CDH12: variants seen among roughly 807,000 people sequenced by gnomAD.
CDH12 encodes the protein cadherin-12.
In CDH12, 41 loss-of-function variants were observed where a neutral mutation model predicts 74.1. The observed-to-expected ratio is 0.55, with a 90% CI of 0.43 to 0.72. The LOEUF (loss-of-function observed/expected upper bound fraction) is 0.72, where lower values mean the gene tolerates loss of function less well. Ranked by LOEUF, CDH12 falls within the 30% of genes least tolerant of loss-of-function variation. The pLI is 0.00. For synonymous variants in CDH12, 399 were observed against 355.0 expected (o/e 1.12, Z -1.39); for missense variants, 945 against 977.2 (o/e 0.97, Z 0.44).
chr5:22,084,796 C>T (rs1174363378), intron 4 of CDH12, among the ~76,000 whole-genome samples: 4 of 152,256 alleles, frequency 2.6e-5, no homozygotes, highest in East Asian at 1.9e-4. Flanking sequence ...GATTGAAGGA[C>T]TCCAGTTCTT....
intron 6 of CDH12, among the ~76,000 whole-genome samples, chr5:21,932,175 C>T (rs1183021997): frequency 1.3e-5 from 2 of 152,120 alleles, no homozygotes; most frequent in Non-Finnish European, 1.5e-5. Flanking sequence ...ATTAACTCTA[C>T]CTCATATGCT....
intron 3 of CDH12, among the ~76,000 whole-genome samples, chr5:22,336,200 TC>T (rs1380562289): frequency 1.3e-5 from 2 of 152,160 alleles, no homozygotes; most frequent in Non-Finnish European, 2.9e-5. Context: ...AAGCAGCAAA[TC>T]ATTCAAGAGG....
chr5:22,135,125 G>A (rs1746382083), intron 4 of CDH12, among the ~76,000 whole-genome samples: 2 of 149,892 alleles, frequency 1.3e-5, no homozygotes, highest in African/African-American at 2.5e-5. Context: ...AAGAATGTGA[G>A]AGCAACTTGG....
intron 3 of CDH12, among the ~76,000 whole-genome samples, chr5:22,394,645 T>C (rs559925435): frequency 6.6e-6 from 1 of 152,246 alleles, no homozygotes; most frequent in Non-Finnish European, 1.5e-5. Context: ...ATTTCAAACT[T>C]GCTTGGGACT....
chr5:22,097,773 T>C (rs982263245), intron 4 of CDH12, among the ~76,000 whole-genome samples: 4 of 152,058 alleles, frequency 2.6e-5, no homozygotes, highest in African/African-American at 7.2e-5. Context: ...ACCGATCATG[T>C]ACCCCTTTCC....
At chr5:22,448,875 T>C (rs1431811144) in intron 2 of CDH12, among the ~76,000 whole-genome samples, 2 of 151,960 alleles carry the variant, frequency 1.3e-5, no homozygotes, top group Non-Finnish European at 2.9e-5. Flanking sequence ...TATAGAAAAA[T>C]GCTTTATGAT....
At chr5:22,636,027 C>A (rs530795252) in intron 1 of CDH12, among the ~76,000 whole-genome samples, 1 of 151,326 alleles carries the variant, frequency 6.6e-6, no homozygotes, top group Non-Finnish European at 1.5e-5. Context: ...AAAGGATTAC[C>A]AAATAATGTT....
rs1384644870 is a variant in CDH12 at position 21,891,419 on chromosome 5, C to T, written c.527-36629G>A. On this transcript the variant is annotated intron_variant, in intron 6 of 14. Coordinates refer to ENST00000382254, the MANE Select transcript of CDH12 (RefSeq NM_004061.5). ...CCAAAAGCTATTTAAGATAAAATCT[C>T]ATTTTGCTTTCCATTACAGAGATGA... Among the ~76,000 whole-genome samples the T allele has an allele frequency of 2.6e-5, 4 of 152,046 alleles. No homozygotes were observed. In the South Asian group the frequency reaches 8.3e-4, roughly 31 times the overall value.
At chr5:21,777,207 G>A (rs1745637742) in intron 11 of CDH12, among the ~76,000 whole-genome samples, 1 of 152,040 alleles carries the variant, frequency 6.6e-6, no homozygotes, top group Admixed American at 6.6e-5. Flanking sequence ...AAGTTATTAG[G>A]AACTCTTACT....
chr5:21,778,523 T>C (rs1032206874), intron 11 of CDH12, among the ~76,000 whole-genome samples: 9 of 127,854 alleles, frequency 7.0e-5, no homozygotes, highest in Non-Finnish European at 1.2e-4. Context: ...AAATCTCTAT[T>C]TTTTTTTTTT....
intron 2 of CDH12, among the ~76,000 whole-genome samples, chr5:22,465,263 C>T (rs1745680511): frequency 6.6e-6 from 1 of 152,056 alleles, no homozygotes; most frequent in Non-Finnish European, 1.5e-5. Flanking sequence ...ATGCTGTCTC[C>T]CAAATTTATA....
intron 3 of CDH12, among the ~76,000 whole-genome samples, chr5:22,315,118 G>GTTTTTTTTTTTT (rs1344184080): frequency 9.6e-4 from 9 of 9,398 alleles, no homozygotes; most frequent in Non-Finnish European, 1.7e-3. Context: ...TGCCTGCCTG[G>GTTTTTTTTTTTT]CTTTTTTTTT....
At chr5:22,530,482 AC>A (rs1737538863) in intron 1 of CDH12, among the ~76,000 whole-genome samples, 1 of 150,528 alleles carries the variant, frequency 6.6e-6, no homozygotes, top group African/African-American at 2.4e-5. Flanking sequence ...AAATTAGTCC[AC>A]TAAAAATACC....
chr5:21,872,728 T>A lies in CDH12; in HGVS notation c.527-17938A>T, dbSNP rs143014134. ...ATTAGAGTTTAATGTACACCCTACA[T>A]ACCTAACATTATTTATTTTGATTTG... On this transcript the variant is annotated intron_variant, in intron 6 of 14. Coordinates refer to ENST00000382254, the MANE Select transcript of CDH12 (RefSeq NM_004061.5). Among the ~76,000 whole-genome samples, 388 of 152,262 alleles carry A rather than the reference T, an allele frequency of 2.5e-3. 2 individuals carry two copies. Among genetic ancestry groups the A allele is most frequent in the Middle Eastern group, 0.01 (3 of 294 alleles).
At chr5:22,840,783 C>A (rs1737048021) in intron 1 of CDH12, among the ~76,000 whole-genome samples, 1 of 151,986 alleles carries the variant, frequency 6.6e-6, no homozygotes, top group African/African-American at 2.4e-5. Context: ...ATACAATTTG[C>A]ATATTAAATA....
chr5:22,424,536 T>C (rs948271226), intron 2 of CDH12, among the ~76,000 whole-genome samples: 1 of 152,218 alleles, frequency 6.6e-6, no homozygotes, highest in African/African-American at 2.4e-5. Flanking sequence ...CCACCGAACT[T>C]ACCAGCCTTC....
chr5:22,017,403 C>A (rs1358041806), intron 5 of CDH12, among the ~76,000 whole-genome samples: 1 of 152,126 alleles, frequency 6.6e-6, no homozygotes. Context: ...AGGTCACATG[C>A]TCCTCTCTCC....
At chr5:22,058,957 TTA>T (rs1442763572) in intron 5 of CDH12, among the ~76,000 whole-genome samples, 2 of 152,132 alleles carry the variant, frequency 1.3e-5, no homozygotes, top group Admixed American at 6.6e-5. Context: ...TTCAATTATT[TTA>T]TATATGTTAA....
intron 6 of CDH12, among the ~76,000 whole-genome samples, chr5:21,899,349 A>C (rs1333451122): frequency 6.6e-6 from 1 of 152,236 alleles, no homozygotes; most frequent in Admixed American, 6.5e-5. Flanking sequence ...TAATACTCAG[A>C]GAACCTAGTA....
Sources: gnomAD v4.1 joint callset for allele counts (sites outside exome capture counted in the v4.1 genomes callset) on GRCh38, gnomAD v4.1.1 for gene constraint, MANE v1.5 for transcripts, NCBI Gene and HGNC (gene_info 2026-07-23, HGNC 2026-07-21) for gene names.